AQR: variants seen among roughly 807,000 people sequenced by gnomAD.
AQR encodes RNA helicase aquarius.
A neutral mutation model predicts 180.5 loss-of-function variants in AQR; 61 were observed. The observed-to-expected ratio is 0.34, with a 90% CI of 0.28 to 0.42. The LOEUF is 0.42. Ranked by LOEUF, AQR falls within the 10% of genes least tolerant of loss-of-function variation. The pLI is 1.00. For missense variants in AQR, 1,281 were observed against 1,798.3 expected (o/e 0.71, Z 5.20); for synonymous variants, 551 against 588.8 (o/e 0.94, Z 0.93).
chr15:34,862,415 T>G (rs1892681888), intron 33 of AQR, among the ~76,000 whole-genome samples: 2 of 152,196 alleles, frequency 1.3e-5, no homozygotes, highest in Admixed American at 6.5e-5. Flanking sequence ...CCTAAGTTTC[T>G]CCATTTGTAA....
chr15:34,863,081 T>C (rs771062482), intron 32 of AQR, 40 bp from the exon 33 acceptor site: 1 of 1,550,786 alleles, frequency 6.4e-7, no homozygotes, highest in East Asian at 2.3e-5. Flanking sequence ...ACTTCAAGAT[T>C]ATTAACATTT....
chr15:34,935,171 T>A (rs528296925), intron 9 of AQR, among the ~76,000 whole-genome samples: 12 of 152,266 alleles, frequency 7.9e-5, no homozygotes, highest in South Asian at 2.1e-4. Flanking sequence ...AGAATGCCAA[T>A]GACACAAAGA....
rs751663678 is a variant in AQR at position 34,860,058 on chromosome 15, G to T, written c.4127C>A (p.Thr1376Lys). 1.4e-6 allele frequency: 2 copies of T among 1,443,714 alleles called. No homozygotes were observed. Among genetic ancestry groups the T allele is most frequent in the East Asian group, 2.5e-5 (1 of 40,420 alleles). 89.4% of individuals were successfully genotyped at this position (1,443,714 alleles called of 1,614,324 possible). A position where few individuals can be genotyped will look rare whatever the true frequency, so the allele number is the denominator to read the frequency against. ...GAAACTCACCTGATGATAATGATGT[G>T]TAGTCTGTATCAAATGCATGTACAT... ...YNMYMHLIQT[T>K]HHYHQTLLQL... Residue 1376 changes from threonine to lysine, a missense_variant, in exon 34 of 35, where the codon ACA becomes AAA. Coordinates refer to ENST00000156471, the MANE Select transcript of AQR (RefSeq NM_014691.3).
chr15:34,956,305 G>A (rs1235162664), intron 3 of AQR, among the ~76,000 whole-genome samples: 4 of 151,664 alleles, frequency 2.6e-5, no homozygotes, highest in African/African-American at 4.8e-5. Context: ...ACATCATACC[G>A]GAGTGTACTA....
intron 27 of AQR, among the ~76,000 whole-genome samples, chr15:34,880,375 C>T (rs1892953682): frequency 6.6e-6 from 1 of 152,078 alleles, no homozygotes; most frequent in South Asian, 2.1e-4. Context: ...AGGCAAAGGC[C>T]TTTACAATGG....
chr15:34,914,275 C>A (rs760991094), intron 16 of AQR, among the ~76,000 whole-genome samples: 1 of 152,146 alleles, frequency 6.6e-6, no homozygotes, highest in Admixed American at 6.5e-5. Context: ...GAATAAAGAG[C>A]ATTTGCCTCA....
At chr15:34,941,029 A>G in intron 7 of AQR, 30 bp from the exon 8 acceptor site, 2 of 1,464,446 alleles carry the variant, frequency 1.4e-6, no homozygotes, top group South Asian at 1.2e-5. Flanking sequence ...TTAAATTACC[A>G]GTAGCCTCAA....
intron 26 of AQR, among the ~76,000 whole-genome samples, chr15:34,883,995 T>C (rs1478321554): frequency 6.6e-6 from 1 of 152,200 alleles, no homozygotes; most frequent in African/African-American, 2.4e-5. Context: ...CAAAGAACCA[T>C]TATTGAATTT....
intron 15 of AQR, among the ~76,000 whole-genome samples, chr15:34,917,832 A>AAG: frequency 6.6e-6 from 1 of 150,850 alleles, no homozygotes; most frequent in East Asian, 2.0e-4. Context: ...AAAAAAAAAA[A>AAG]AAAAAGCTGG....
chr15:34,934,853 C>T (rs969581385), intron 9 of AQR, among the ~76,000 whole-genome samples: 4 of 152,000 alleles, frequency 2.6e-5, no homozygotes, highest in South Asian at 2.1e-4. Flanking sequence ...AATAAAAGAT[C>T]TAGCTTGGGT....
intron 25 of AQR, among the ~76,000 whole-genome samples, chr15:34,885,543 A>G (rs1485755685): frequency 1.3e-5 from 2 of 152,182 alleles, no homozygotes; most frequent in African/African-American, 2.4e-5. Context: ...AAAACTGCCA[A>G]TTTACACTGT....
At chr15:34,953,186 A>C (rs1375707428) in intron 3 of AQR, among the ~76,000 whole-genome samples, 2 of 152,238 alleles carry the variant, frequency 1.3e-5, no homozygotes, top group Non-Finnish European at 2.9e-5. Flanking sequence ...AAATGTGAAA[A>C]TCAGACGTTT....
chr15:34,865,364 T>G (rs952470213), intron 32 of AQR, among the ~76,000 whole-genome samples: 4 of 152,118 alleles, frequency 2.6e-5, no homozygotes, highest in African/African-American at 9.7e-5. Context: ...CTCTGGCTAC[T>G]AAACAGCTCC....
At chr15:34,949,953 G>A (rs1367297924) in intron 4 of AQR, among the ~76,000 whole-genome samples, 2 of 138,752 alleles carry the variant, frequency 1.4e-5, no homozygotes, top group Non-Finnish European at 3.1e-5. Flanking sequence ...GCAACAGAGT[G>A]AGACCCCATC....
chr15:34,944,873 T>A (rs1248542403), intron 5 of AQR, among the ~76,000 whole-genome samples: 1 of 152,222 alleles, frequency 6.6e-6, no homozygotes, highest in East Asian at 1.9e-4. Context: ...TTGTAAATAA[T>A]GTAAATATAT....
intron 3 of AQR, among the ~76,000 whole-genome samples, chr15:34,959,815 C>T (rs1172294836): frequency 4.6e-5 from 7 of 152,192 alleles, no homozygotes; most frequent in Non-Finnish European, 8.8e-5. Flanking sequence ...ACAATGCTCA[C>T]CTAATTAATT....
intron 15 of AQR, among the ~76,000 whole-genome samples, chr15:34,915,765 T>C (rs1893573137): frequency 6.6e-6 from 1 of 151,638 alleles, no homozygotes; most frequent in Non-Finnish European, 1.5e-5. Context: ...GCCAACATAG[T>C]GAAACCCCAT....
rs376025287 is a variant in AQR at position 34,918,279 on chromosome 15, T to C, written c.1321A>G (p.Thr441Ala). 5.6e-6 allele frequency: 9 copies of C among 1,613,694 alleles called. No homozygotes were observed. The highest frequency in any genetic ancestry group is 2.2e-5 in the South Asian group (2 of 91,046). ...KIIWDENIVP[T>A]EYYSGEGCLA... ...ATACCTTCTCCAGAATAGTACTCAGTTGGGACAATATTTTCATCCCATATA... is the reference window on the plus strand; with the variant it reads ...ATACCTTCTCCAGAATAGTACTCAGCTGGGACAATATTTTCATCCCATATA... The change falls in exon 15 of 35, where the codon ACT (threonine) becomes GCT (alanine). Residue 441 changes from threonine to alanine, a missense_variant. Transcript: ENST00000156471.
At chr15:34,940,221 G>A (rs1259687923) in intron 8 of AQR, among the ~76,000 whole-genome samples, 1 of 152,182 alleles carries the variant, frequency 6.6e-6, no homozygotes, top group African/African-American at 2.4e-5. Flanking sequence ...GCAAGCTTCT[G>A]AAAACCTTGT....
Sources: allele counts gnomAD v4.1 joint callset (sites outside exome capture counted in the v4.1 genomes callset), GRCh38; gene constraint gnomAD v4.1.1; transcripts MANE v1.5; gene names NCBI Gene and HGNC (gene_info 2026-07-23, HGNC 2026-07-21).